The following HAUS6 variants were observed in gnomAD, a reference collection of about 807,000 sequenced individuals.
HAUS6 encodes HAUS augmin like complex subunit 6.
Under a neutral mutation model 106.8 loss-of-function variants are expected in HAUS6, and 80 were observed. That is an observed-to-expected ratio of 0.75 (90% CI 0.63 to 0.90). The LOEUF (loss-of-function observed/expected upper bound fraction) is 0.90. Among genes scored for constraint, HAUS6 ranks in the 40% least tolerant of loss-of-function variants. The pLI is 0.00. For synonymous variants in HAUS6, 356 were observed against 379.1 expected, an observed-to-expected ratio of 0.94 and a Z score of 0.71; for missense variants, 1,155 against 1,118.1, an observed-to-expected ratio of 1.03 and a Z score of -0.47.
chr9:19,062,225 T>C (rs538179853), intron 14 of HAUS6, among the ~76,000 whole-genome samples: 23 of 152,314 alleles, frequency 1.5e-4, no homozygotes, highest in African/African-American at 5.3e-4. Context: ...ATCTAATCAC[T>C]TCTGAAATAT....
Position 19,053,588 on chromosome 9 carries a change from C to T in HAUS6, c.*2755G>A, listed in dbSNP as rs530528233. 14 of 152,306 alleles carry T rather than the reference C, an allele frequency of 9.2e-5. No individual in the cohort carries two copies. The South Asian group carries it at 2.7e-3, about 29-fold the overall frequency. The allele number at this position is 152,306 out of a possible 1,614,324, so 9.4% of individuals were successfully genotyped here. A position where few individuals can be genotyped will look rare whatever the true frequency, so the allele number is the denominator to read the frequency against. On this transcript the variant is annotated 3_prime_UTR_variant, in exon 17 of 17. Coordinates refer to ENST00000380502, the MANE Select transcript of HAUS6 (RefSeq NM_017645.5). ...ATGTTTAGCAACATTACATGGTTGTCCTCTTTAAACATTTAAAATAATTAG... is the reference window on the plus strand; with the variant it reads ...ATGTTTAGCAACATTACATGGTTGTTCTCTTTAAACATTTAAAATAATTAG...
At chr9:19,077,893 T>G (rs561924861) in intron 10 of HAUS6, among the ~76,000 whole-genome samples, 2 of 152,162 alleles carry the variant, frequency 1.3e-5, no homozygotes, top group African/African-American at 4.8e-5. Context: ...AGACCCTATC[T>G]ATAAAATTAA....
intron 7 of HAUS6, among the ~76,000 whole-genome samples, chr9:19,084,658 G>C (rs1837245170): frequency 7.0e-6 from 1 of 143,346 alleles, no homozygotes; most frequent in Non-Finnish European, 1.5e-5. Context: ...TTTGAAACAA[G>C]GTCTCACTCT....
chr9:19,054,291 T>G lies in HAUS6; in HGVS notation c.*2052A>C, dbSNP rs1564003957. The G allele has an allele frequency of 6.6e-6, 1 of 152,150 alleles. No individual in the cohort carries two copies. Among genetic ancestry groups the G allele is most frequent in the Non-Finnish European group, 1.5e-5 (1 of 68,016 alleles). 9.4% of individuals were successfully genotyped at this position (152,150 alleles called of 1,614,324 possible). ...TACATGCCTTTAAATTTGAACTCTA[T>G]TTTAGAATTAACAATGAACAATCAA... On this transcript the variant is annotated 3_prime_UTR_variant, in exon 17 of 17. Transcript: ENST00000380502.
intron 2 of HAUS6, 66 bp downstream of exon 2, chr9:19,096,608 T>C (rs1055553299): frequency 3.7e-5 from 24 of 654,938 alleles, no homozygotes; most frequent in Non-Finnish European, 5.5e-5. Context: ...TTCTGGCTTG[T>C]ATCAAAACGC....
chr9:19,084,836 T>G (rs1472910533), intron 7 of HAUS6, among the ~76,000 whole-genome samples: 2 of 152,074 alleles, frequency 1.3e-5, no homozygotes, highest in African/African-American at 4.8e-5. Flanking sequence ...TTCACCATGT[T>G]GGCCAGGCTG....
chr9:19,073,009 TAA>T (rs566194101), intron 11 of HAUS6, among the ~76,000 whole-genome samples: 8 of 152,208 alleles, frequency 5.3e-5, no homozygotes, highest in African/African-American at 7.2e-5. Flanking sequence ...TTATAAACTT[TAA>T]AAAAGAGGAA....
rs966174624 is a variant in HAUS6, at chr9:19,060,337, G to T, written c.1630-114C>A. On this transcript the variant is annotated intron_variant, in intron 14 of 16. Coordinates refer to ENST00000380502, the MANE Select transcript of HAUS6 (RefSeq NM_017645.5). ...ACAGTCAGCAGCCCCTCCCATTGCAGACAACACAAAAATAAGCAACAAAGA... is the reference window on the plus strand; with the variant it reads ...ACAGTCAGCAGCCCCTCCCATTGCATACAACACAAAAATAAGCAACAAAGA... 8.1e-6 allele frequency: 6 copies of T among 744,082 alleles called. No homozygotes were observed. The South Asian group carries it at 9.6e-5, about 12-fold the overall frequency. 46.1% of individuals were successfully genotyped at this position (744,082 alleles called of 1,614,324 possible). A position where few individuals can be genotyped will look rare whatever the true frequency, so the allele number is the denominator to read the frequency against.
chr9:19,074,519 C>G (rs189894967), intron 11 of HAUS6, among the ~76,000 whole-genome samples: 4 of 152,080 alleles, frequency 2.6e-5, no homozygotes, highest in African/African-American at 9.7e-5. Flanking sequence ...CAATCTTCCA[C>G]CCTAGGCTTC....
chr9:19,069,709 C>T (rs1453644022), intron 12 of HAUS6, among the ~76,000 whole-genome samples: 1 of 151,700 alleles, frequency 6.6e-6, no homozygotes, highest in East Asian at 1.9e-4. Flanking sequence ...CAAAAAAAAA[C>T]AAAAGGCAAA....
chr9:19,058,740 T>C lies in HAUS6; in HGVS notation c.2027A>G (p.Asp676Gly). ...TGACTGATTTTGTGTTGGTGGTTCA[T>C]CTATGTGACTGGTCAGCACATGTTT... ...PQKHVLTSHI[D>G]EPPTQNQSDL... is the part of the protein sequence containing the mutation. Residue 676 changes from aspartate to glycine, a missense_variant, in exon 16 of 17, where the codon GAT becomes GGT. Asp to Gly is a moderately conservative substitution (Grantham distance 94). Coordinates refer to ENST00000380502, the MANE Select transcript of HAUS6 (RefSeq NM_017645.5). 1 of 1,614,182 alleles carries C rather than the reference T, an allele frequency of 6.2e-7. No individual in the cohort carries two copies. Among genetic ancestry groups the C allele is most frequent in the Non-Finnish European group, 8.5e-7 (1 of 1,180,026 alleles).
intron 2 of HAUS6, 149 bp from the exon 3 acceptor site, chr9:19,094,544 C>T: frequency 1.7e-6 from 1 of 594,474 alleles, no homozygotes; most frequent in Non-Finnish European, 3.0e-6. Context: ...TTAATCCCAG[C>T]ACTTTGGAAA....
rs376963417 is a variant in HAUS6, at chr9:19,070,391, C to G, written c.1295-91G>C. The G allele has an allele frequency of 1.1e-3, 829 of 727,154 alleles. 6 individuals carry two copies. The African/African-American group carries it at 0.013, about 11-fold the overall frequency. The allele number at this position is 727,154 out of a possible 1,614,324, so 45.0% of individuals were successfully genotyped here. ...TTGAAATTCGAGAACAACTTGTAAA[C>G]AGAAGAAAACAGAAAAACCAAAATA... On this transcript the variant is annotated intron_variant, in intron 11 of 16. Coordinates refer to ENST00000380502, the MANE Select transcript of HAUS6 (RefSeq NM_017645.5).
At chr9:19,095,637 A>T (rs949262981) in intron 2 of HAUS6, among the ~76,000 whole-genome samples, 2 of 152,164 alleles carry the variant, frequency 1.3e-5, no homozygotes, top group Non-Finnish European at 2.9e-5. Flanking sequence ...TAAAAGCAAA[A>T]TATTGAAAAT....
intron 4 of HAUS6, chr9:19,089,789 G>C: frequency 1.9e-6 from 1 of 514,216 alleles, no homozygotes. Flanking sequence ...CTCCCCAAAA[G>C]CTAGTATACC....
At chr9:19,064,650 C>T (rs1836719910) in intron 12 of HAUS6, among the ~76,000 whole-genome samples, 1 of 152,172 alleles carries the variant, frequency 6.6e-6, no homozygotes, top group South Asian at 2.1e-4. Context: ...TTCCTTTCTT[C>T]TTATAACTAG....
Position 19,102,809 on chromosome 9 carries a change from G to C in HAUS6, c.-158C>G. ...CGCCCAGAGCGATTTCGCCTCAAAG[G>C]GCCTCACAACCTCCGGGAAATTGAG... On this transcript the variant is annotated 5_prime_UTR_variant, in exon 1 of 17. Transcript: ENST00000380502. 1.5e-6 allele frequency: 1 copy of C among 659,370 alleles called. No individual in the cohort carries two copies. The highest frequency in any genetic ancestry group is 2.5e-6 in the Non-Finnish European group (1 of 400,496). The allele number at this position is 659,370 out of a possible 1,614,324, so 40.8% of individuals were successfully genotyped here.
At chr9:19,101,200 A>G (rs1345409341) in intron 1 of HAUS6, among the ~76,000 whole-genome samples, 1 of 152,220 alleles carries the variant, frequency 6.6e-6, no homozygotes, top group African/African-American at 2.4e-5. Flanking sequence ...AAAATTTTAT[A>G]TCCCCAAAAT....
At chr9:19,059,867 G>C (rs60269255) in intron 15 of HAUS6, among the ~76,000 whole-genome samples, 16,362 of 152,020 alleles carry the variant, frequency 0.11, 989 homozygotes, top group Admixed American at 0.14. Flanking sequence ...AGACAAAATT[G>C]TACATTATCA....
Sources: gnomAD v4.1 joint callset for allele counts (sites outside exome capture counted in the v4.1 genomes callset) on GRCh38, gnomAD v4.1.1 for gene constraint, MANE v1.5 for transcripts, NCBI Gene and HGNC (gene_info 2026-07-23, HGNC 2026-07-21) for gene names.